RPS6KC1: variants seen among roughly 807,000 people sequenced by gnomAD.
The protein encoded by RPS6KC1 is inactive ribosomal protein S6 kinase delta-1.
Under a neutral mutation model 103.8 loss-of-function variants are expected in RPS6KC1, and 54 were observed. The observed-to-expected ratio is 0.52, with a 90% CI of 0.42 to 0.65. The LOEUF is 0.65. Ranked by LOEUF, RPS6KC1 falls within the 30% of genes least tolerant of loss-of-function variation. The pLI is 0.00. For missense variants in RPS6KC1, 1,151 were observed against 1,253.8 expected (o/e 0.92, Z 1.24); for synonymous variants, 439 against 438.7 (o/e 1.00, Z -0.01).
At chr1:213,059,728 A>G (rs766015731) in intron 1 of RPS6KC1, among the ~76,000 whole-genome samples, 13 of 151,682 alleles carry the variant, frequency 8.6e-5, no homozygotes, top group Non-Finnish European at 1.5e-4. Flanking sequence ...GCTGGAGTGC[A>G]ATGGCGTGAT....
chr1:213,776,897 C>T, the RPS6KC1 span, among the ~76,000 whole-genome samples: 1 of 148,676 alleles, frequency 6.7e-6, no homozygotes, highest in Admixed American at 6.8e-5. Context: ...CTGATTCATA[C>T]TGTACTTTAT....
chr1:213,292,612 T>G, the RPS6KC1 span, among the ~76,000 whole-genome samples: 7 of 152,176 alleles, frequency 4.6e-5, no homozygotes, highest in Non-Finnish European at 4.4e-5. Context: ...GAGGAGACCG[T>G]GCATCACACT....
At chr1:213,539,443 C>A in the RPS6KC1 span, among the ~76,000 whole-genome samples, 1 of 152,182 alleles carries the variant, frequency 6.6e-6, no homozygotes, top group African/African-American at 2.4e-5. Context: ...TTTCATGAGC[C>A]GTTCCAGTTG....
In RPS6KC1 at chr1:213,185,965, T is replaced by TAATAAGAATAGAAAC. The variant is rs2092508592; in HGVS notation, c.1044+9476_1044+9490dup. Among the ~76,000 whole-genome samples, 3 of 150,932 alleles carry TAATAAGAATAGAAAC rather than the reference T, an allele frequency of 2.0e-5. No homozygotes were observed. In the South Asian group the frequency reaches 6.3e-4, roughly 32 times the overall value. ...GAGACAGTTCATCTTAGGTCACAAA[T>TAATAAGAATAGAAAC]AATAAGAATAGAAACAAAGGCAAAA... On this transcript the variant is annotated intron_variant, in intron 8 of 14. Coordinates refer to ENST00000366960, the MANE Select transcript of RPS6KC1 (RefSeq NM_012424.6).
At chr1:213,408,659 A>G in the RPS6KC1 span, among the ~76,000 whole-genome samples, 2 of 152,256 alleles carry the variant, frequency 1.3e-5, no homozygotes, top group East Asian at 1.9e-4. Flanking sequence ...TGCCCTATGG[A>G]TTTTGAACTT....
chr1:213,223,557 A>G (rs2093887611), intron 8 of RPS6KC1, among the ~76,000 whole-genome samples: 1 of 152,142 alleles, frequency 6.6e-6, no homozygotes, highest in Non-Finnish European at 1.5e-5. Flanking sequence ...TTTATGGCTG[A>G]GTAGTATTCT....
At chr1:213,375,342 CAT>C in the RPS6KC1 span, among the ~76,000 whole-genome samples, 1 of 152,034 alleles carries the variant, frequency 6.6e-6, no homozygotes, top group Non-Finnish European at 1.5e-5. Context: ...CACATACACA[CAT>C]ATACACACAT....
the RPS6KC1 span, among the ~76,000 whole-genome samples, chr1:213,458,702 G>A: frequency 3.3e-5 from 5 of 152,136 alleles, no homozygotes; most frequent in South Asian, 1.0e-3. Flanking sequence ...TTCAAAGGGA[G>A]TGATTCCAGC....
the RPS6KC1 span, among the ~76,000 whole-genome samples, chr1:213,459,114 C>T: frequency 1.3e-5 from 2 of 152,124 alleles, no homozygotes; most frequent in Non-Finnish European, 2.9e-5. Flanking sequence ...AAGATGCTGG[C>T]CTCATAAAAT....
At chr1:213,555,429 G>T in the RPS6KC1 span, among the ~76,000 whole-genome samples, 1 of 152,084 alleles carries the variant, frequency 6.6e-6, no homozygotes, top group Non-Finnish European at 1.5e-5. Flanking sequence ...GAAGTTCTGG[G>T]GATTGCTTGA....
At chr1:213,573,281 C>T in the RPS6KC1 span, among the ~76,000 whole-genome samples, 1 of 152,328 alleles carries the variant, frequency 6.6e-6, no homozygotes, top group East Asian at 1.9e-4. Flanking sequence ...TTATAGACAC[C>T]TGGGTTTTGC....
the RPS6KC1 span, among the ~76,000 whole-genome samples, chr1:213,855,349 G>C: frequency 2.0e-5 from 3 of 152,214 alleles, no homozygotes; most frequent in African/African-American, 7.2e-5. Flanking sequence ...CAGCAAGGCT[G>C]ACAACACTTC....
the RPS6KC1 span, chr1:213,822,061 C>T: frequency 2.0e-5 from 3 of 152,204 alleles, no homozygotes. Flanking sequence ...GAAAGTGCCC[C>T]TGTTGGTCTG....
intron 12 of RPS6KC1, 93 bp downstream of exon 12, chr1:213,242,751 C>A: frequency 1.0e-6 from 1 of 961,682 alleles, no homozygotes; most frequent in Non-Finnish European, 1.6e-6. Context: ...TGTTCACTAG[C>A]AGTTTACATA....
At chr1:213,339,329 A>G in the RPS6KC1 span, among the ~76,000 whole-genome samples, 1 of 152,208 alleles carries the variant, frequency 6.6e-6, no homozygotes, top group African/African-American at 2.4e-5. Flanking sequence ...GACCACATGT[A>G]GACAAATCTT....
intron 6 of RPS6KC1, among the ~76,000 whole-genome samples, chr1:213,166,726 C>T (rs2090998123): frequency 6.6e-6 from 1 of 152,122 alleles, no homozygotes; most frequent in Admixed American, 6.5e-5. Context: ...AAATTGCAAT[C>T]CCAACTTTGT....
chr1:213,539,127 G>A, the RPS6KC1 span, among the ~76,000 whole-genome samples: 2 of 152,204 alleles, frequency 1.3e-5, no homozygotes, highest in African/African-American at 4.8e-5. Context: ...AGGCAGGCCT[G>A]TTTCTTTTTG....
At chr1:213,397,108 T>C in the RPS6KC1 span, among the ~76,000 whole-genome samples, 1 of 152,188 alleles carries the variant, frequency 6.6e-6, no homozygotes, top group Non-Finnish European at 1.5e-5. Context: ...GAATAAGATA[T>C]TGATGCTACT....
chr1:213,502,967 G>A, the RPS6KC1 span, among the ~76,000 whole-genome samples: 6 of 152,096 alleles, frequency 3.9e-5, no homozygotes, highest in Admixed American at 3.9e-4. Context: ...GCTGATCAGA[G>A]TAGGCTTAAT....
Sources: gnomAD v4.1 joint callset for allele counts (sites outside exome capture counted in the v4.1 genomes callset) on GRCh38, gnomAD v4.1.1 for gene constraint, MANE v1.5 for transcripts, NCBI Gene and HGNC (gene_info 2026-07-23, HGNC 2026-07-21) for gene names.